CCDC192: variants seen among roughly 807,000 people sequenced by gnomAD.
CCDC192 encodes the protein coiled-coil domain-containing protein 192.
intron 5 of CCDC192, among the ~76,000 whole-genome samples, chr5:127,802,940 ACT>A (rs1757582901): frequency 6.6e-6 from 1 of 152,162 alleles, no homozygotes; most frequent in Non-Finnish European, 1.5e-5. Flanking sequence ...AATGAGGCTG[ACT>A]CTTTCAAATA....
At chr5:127,935,484 C>G (rs1381575321) in intron 6 of CCDC192, 1 of 152,176 alleles carries the variant, frequency 6.6e-6, no homozygotes, top group African/African-American at 2.4e-5. Flanking sequence ...AGAACTCTTC[C>G]TCCTATTCAT....
At chr5:127,870,868 T>A (rs534349561) in intron 5 of CCDC192, among the ~76,000 whole-genome samples, 11 of 152,268 alleles carry the variant, frequency 7.2e-5, no homozygotes, top group Non-Finnish European at 1.6e-4. Flanking sequence ...TATTATTGAT[T>A]GGCTATTAGA....
At chr5:127,886,501 T>G (rs922168251) in intron 6 of CCDC192, among the ~76,000 whole-genome samples, 11 of 152,194 alleles carry the variant, frequency 7.2e-5, no homozygotes, top group African/African-American at 2.4e-4. Flanking sequence ...TTCCTCGTCC[T>G]CCTCAGATGC....
At chr5:127,749,984 T>C (rs1036701845) in intron 2 of CCDC192, among the ~76,000 whole-genome samples, 1 of 151,890 alleles carries the variant, frequency 6.6e-6, no homozygotes, top group Admixed American at 6.6e-5. Flanking sequence ...TTTTATTGTG[T>C]CTATTTGATT....
At chr5:127,745,709 C>T (rs1333168703) in intron 2 of CCDC192, among the ~76,000 whole-genome samples, 2 of 152,154 alleles carry the variant, frequency 1.3e-5, no homozygotes, top group Non-Finnish European at 2.9e-5. Context: ...TATATATTGC[C>T]TATATTTTCA....
chr5:127,900,915 A>G (rs1753019985), intron 6 of CCDC192, among the ~76,000 whole-genome samples: 2 of 152,218 alleles, frequency 1.3e-5, no homozygotes, highest in Non-Finnish European at 2.9e-5. Context: ...TGTGTGCCTC[A>G]GGTCTTACTA....
At chr5:127,863,528 AT>A (rs1358639439) in intron 5 of CCDC192, among the ~76,000 whole-genome samples, 1 of 152,204 alleles carries the variant, frequency 6.6e-6, no homozygotes, top group Non-Finnish European at 1.5e-5. Context: ...AGAGACTAGA[AT>A]TTTAGTTGCC....
chr5:127,912,743 T>C (rs934843233), intron 6 of CCDC192, among the ~76,000 whole-genome samples: 1 of 152,230 alleles, frequency 6.6e-6, no homozygotes, highest in Non-Finnish European at 1.5e-5. Context: ...AAATTTCTGC[T>C]ATAGGTTCTT....
chr5:127,937,954 A>C (rs1056482198), intron 6 of CCDC192, among the ~76,000 whole-genome samples: 6 of 152,232 alleles, frequency 3.9e-5, no homozygotes, highest in African/African-American at 1.4e-4. Flanking sequence ...GAAGTCAAAG[A>C]GGAAGAAGAC....
At chr5:127,885,507 A>G (rs1385476318) in intron 6 of CCDC192, among the ~76,000 whole-genome samples, 1 of 152,220 alleles carries the variant, frequency 6.6e-6, no homozygotes, top group East Asian at 1.9e-4. Context: ...ACAAAGCAGA[A>G]AAAGTGAATG....
chr5:127,790,600 T>C (rs966014300), intron 3 of CCDC192, among the ~76,000 whole-genome samples: 1 of 152,220 alleles, frequency 6.6e-6, no homozygotes, highest in Non-Finnish European at 1.5e-5. Flanking sequence ...CTTCTCATTA[T>C]CCTCTCCTCT....
chr5:127,847,953 CA>C (rs1750635140), intron 5 of CCDC192, among the ~76,000 whole-genome samples: 1 of 152,056 alleles, frequency 6.6e-6, no homozygotes, highest in Admixed American at 6.5e-5. Flanking sequence ...CCCACCACCA[CA>C]CCCAGCTAAT....
At position 127,797,119 on chromosome 5, in the gene CCDC192, G is replaced by T; in HGVS notation, c.239G>T (p.Gly80Val). ...ALSEQLSVSE[G>V]TKSKLLEQVS... ...TATCTTTAGCTTTCAGTCTCTGAAGGAACAAAATCAAAACTGCTTGAACAA... is the reference window on the plus strand; with the variant it reads ...TATCTTTAGCTTTCAGTCTCTGAAGTAACAAAATCAAAACTGCTTGAACAA... The change falls in exon 4 of 7, where the codon GGA becomes GTA. Residue 80 changes from glycine to valine, a missense_variant. By Grantham distance (109) the Gly-to-Val change is moderately radical (BLOSUM62 -3). Transcript: ENST00000514853. The T allele has an allele frequency of 2.5e-6, 1 of 398,136 alleles. No homozygotes were observed. 24.7% of individuals were successfully genotyped at this position (398,136 alleles called of 1,614,324 possible).
intron 5 of CCDC192, among the ~76,000 whole-genome samples, chr5:127,849,317 A>G (rs1202762850): frequency 3.9e-5 from 6 of 152,144 alleles, no homozygotes; most frequent in Admixed American, 2.0e-4. Flanking sequence ...TTCTACAGCC[A>G]GGATTCCCAC....
At chr5:127,745,735 A>G (rs144984138) in intron 2 of CCDC192, among the ~76,000 whole-genome samples, 92 of 152,338 alleles carry the variant, frequency 6.0e-4, no homozygotes, top group African/African-American at 2.1e-3. Flanking sequence ...TTGATGTCAT[A>G]TAACAGACTG....
chr5:127,836,316 A>G (rs549631865), intron 5 of CCDC192, among the ~76,000 whole-genome samples: 1 of 152,318 alleles, frequency 6.6e-6, no homozygotes, highest in East Asian at 1.9e-4. Flanking sequence ...TTTGCAGGGT[A>G]CAGCTTCCCT....
chr5:127,713,958 A>G (rs1751477917), intron 2 of CCDC192, among the ~76,000 whole-genome samples: 1 of 152,146 alleles, frequency 6.6e-6, no homozygotes, highest in Non-Finnish European at 1.5e-5. Context: ...CCTCCTATCT[A>G]GCTATAACTT....
At chr5:127,782,033 A>C (rs1210727743) in intron 3 of CCDC192, among the ~76,000 whole-genome samples, 1 of 152,154 alleles carries the variant, frequency 6.6e-6, no homozygotes, top group Non-Finnish European at 1.5e-5. Context: ...GAGAGTTTTA[A>C]TAATAAATGG....
chr5:127,771,320 A>G (rs1232406511), intron 3 of CCDC192, among the ~76,000 whole-genome samples: 3 of 152,216 alleles, frequency 2.0e-5, no homozygotes, highest in Admixed American at 2.0e-4. Flanking sequence ...AACAGTACCT[A>G]TTTCTGACTC....
Sources: gnomAD v4.1 joint callset for allele counts (sites outside exome capture counted in the v4.1 genomes callset) on GRCh38, gnomAD v4.1.1 for gene constraint, MANE v1.5 for transcripts, NCBI Gene and HGNC (gene_info 2026-07-23, HGNC 2026-07-21) for gene names.